CADM2: variants seen among roughly 807,000 people sequenced by gnomAD.
The protein encoded by CADM2 is cell adhesion molecule 2, also known as immunoglobulin superfamily member 4D.
In CADM2, 12 loss-of-function variants were observed where a neutral mutation model predicts 49.8. That is an observed-to-expected ratio of 0.24 (90% CI 0.15 to 0.39). The LOEUF (loss-of-function observed/expected upper bound fraction) is 0.39. Among genes scored for constraint, CADM2 ranks in the 10% least tolerant of loss-of-function variants. CADM2 has a pLI of 1.00. For synonymous variants in CADM2, 214 were observed against 175.4 expected (o/e 1.22, Z -1.74); for missense variants, 378 against 492.3 (o/e 0.77, Z 2.20).
intron 7 of CADM2, among the ~76,000 whole-genome samples, chr3:85,949,041 C>G (rs915112605): frequency 1.3e-5 from 2 of 151,514 alleles, no homozygotes; most frequent in South Asian, 4.1e-4. Context: ...GATAGTGATG[C>G]AACCATGCAG....
chr3:85,910,272 A>G (rs1182164767), intron 5 of CADM2, among the ~76,000 whole-genome samples: 1 of 152,164 alleles, frequency 6.6e-6, no homozygotes, highest in African/African-American at 2.4e-5. Context: ...CAAGAGATCA[A>G]TATTTTCTTA....
chr3:85,872,294 G>C (rs982244766), intron 3 of CADM2, among the ~76,000 whole-genome samples: 3 of 152,174 alleles, frequency 2.0e-5, no homozygotes, highest in Non-Finnish European at 4.4e-5. Context: ...CTGGGTTTCA[G>C]AAGTCACCTC....
intron 1 of CADM2, among the ~76,000 whole-genome samples, chr3:85,101,466 G>T (rs369931620): frequency 6.6e-6 from 1 of 152,062 alleles, no homozygotes; most frequent in African/African-American, 2.4e-5. Flanking sequence ...TTAAAATGTG[G>T]TATGTTGTAT....
chr3:85,574,863 ACTCT>A (rs1280800670), intron 1 of CADM2, among the ~76,000 whole-genome samples: 1 of 151,974 alleles, frequency 6.6e-6, no homozygotes, highest in Non-Finnish European at 1.5e-5. Context: ...ACTTTAGCAA[ACTCT>A]CTGGTCACAG....
At chr3:85,643,901 T>A (rs1233111536) in intron 1 of CADM2, among the ~76,000 whole-genome samples, 3 of 152,142 alleles carry the variant, frequency 2.0e-5, no homozygotes, top group African/African-American at 4.8e-5. Context: ...TTTTTTAGGC[T>A]CCATTTCTAA....
At chr3:85,922,546 T>TAC (rs1419318005) in intron 6 of CADM2, among the ~76,000 whole-genome samples, 1 of 152,088 alleles carries the variant, frequency 6.6e-6, no homozygotes. Context: ...ATGGTATATA[T>TAC]ACACAAATTG....
intron 8 of CADM2, among the ~76,000 whole-genome samples, chr3:86,050,628 A>G (rs1052172105): frequency 2.6e-5 from 4 of 152,190 alleles, no homozygotes; most frequent in African/African-American, 4.8e-5. Flanking sequence ...TCTGGAATCT[A>G]GATGAAAGCT....
At chr3:85,112,626 A>T (rs2038501159) in intron 1 of CADM2, among the ~76,000 whole-genome samples, 3 of 151,848 alleles carry the variant, frequency 2.0e-5, no homozygotes, top group East Asian at 3.9e-4. Flanking sequence ...ACTATATATA[A>T]AATACTTTAT....
chr3:85,982,235 A>G (rs908512158), intron 8 of CADM2, among the ~76,000 whole-genome samples: 2 of 151,596 alleles, frequency 1.3e-5, no homozygotes, highest in African/African-American at 4.8e-5. Flanking sequence ...ACTTTTTTTC[A>G]GGTTTCTTAA....
At chr3:85,410,444 CG>C (rs1358836112) in intron 1 of CADM2, among the ~76,000 whole-genome samples, 11 of 152,100 alleles carry the variant, frequency 7.2e-5, no homozygotes, top group African/African-American at 2.4e-4. Flanking sequence ...TGATTTTTCT[CG>C]TGCAGCTCAT....
At chr3:85,474,163 G>A (rs182603289) in intron 1 of CADM2, among the ~76,000 whole-genome samples, 1 of 151,710 alleles carries the variant, frequency 6.6e-6, no homozygotes, top group East Asian at 1.9e-4. Flanking sequence ...TGTGTGTGTT[G>A]TGTGTTTATG....
At chr3:85,001,255 A>G (rs1303243868) in intron 1 of CADM2, among the ~76,000 whole-genome samples, 1 of 151,758 alleles carries the variant, frequency 6.6e-6, no homozygotes, top group African/African-American at 2.4e-5. Flanking sequence ...TATTTTTGAA[A>G]TTTTTTAGTT....
chr3:85,933,897 G>C (rs1193166223), intron 6 of CADM2, among the ~76,000 whole-genome samples: 2 of 152,048 alleles, frequency 1.3e-5, no homozygotes, highest in African/African-American at 4.8e-5. Context: ...AGTCTTTCAA[G>C]AGATTGGATG....
chr3:85,321,150 T>C (rs1337360064), intron 1 of CADM2, among the ~76,000 whole-genome samples: 1 of 48,262 alleles, frequency 2.1e-5, no homozygotes, highest in South Asian at 9.7e-4. Context: ...TTTTTTTTTT[T>C]TTTTTTTTTT....
At chr3:85,963,934 A>G (rs1204232600) in intron 8 of CADM2, among the ~76,000 whole-genome samples, 1 of 151,888 alleles carries the variant, frequency 6.6e-6, no homozygotes, top group Non-Finnish European at 1.5e-5. Flanking sequence ...ACAGTGGTTT[A>G]CCTAGGATTA....
At chr3:85,504,021 A>G (rs1480085716) in intron 1 of CADM2, among the ~76,000 whole-genome samples, 1 of 152,188 alleles carries the variant, frequency 6.6e-6, no homozygotes, top group Non-Finnish European at 1.5e-5. Context: ...ATAATAGAAA[A>G]TATTGTGTCC....
At chr3:85,605,386 G>A (rs1044034210) in intron 1 of CADM2, among the ~76,000 whole-genome samples, 2 of 151,980 alleles carry the variant, frequency 1.3e-5, no homozygotes, top group African/African-American at 4.8e-5. Context: ...ACTAGTAAAA[G>A]TGCCATTAAG....
At chr3:85,453,091 C>T (rs933887564) in intron 1 of CADM2, among the ~76,000 whole-genome samples, 7 of 152,128 alleles carry the variant, frequency 4.6e-5, no homozygotes, top group Non-Finnish European at 8.8e-5. Flanking sequence ...ACTACACAGT[C>T]AGCCTTTATT....
chr3:85,013,215 A>G (rs2034081994), intron 1 of CADM2, among the ~76,000 whole-genome samples: 3 of 151,796 alleles, frequency 2.0e-5, no homozygotes, highest in South Asian at 2.1e-4. Flanking sequence ...AAATCCAAAC[A>G]CTGGTTTCAA....
Sources: gnomAD v4.1 joint callset for allele counts (sites outside exome capture counted in the v4.1 genomes callset) on GRCh38, gnomAD v4.1.1 for gene constraint, MANE v1.5 for transcripts, NCBI Gene and HGNC (gene_info 2026-07-23, HGNC 2026-07-21) for gene names.